Variants in AK2 observed in about 807,000 individuals in gnomAD.
AK2 encodes the protein adenylate kinase 2, mitochondrial.
AK2 carries 15 observed loss-of-function variants against 24.6 expected under a neutral mutation model. The observed-to-expected ratio is 0.61, with a 90% CI of 0.41 to 0.94. AK2 has a LOEUF of 0.94. AK2 is among the 40% of genes least tolerant of loss of function. The pLI is 0.00. For synonymous variants in AK2, 102 were observed against 114.0 expected (o/e 0.90, Z 0.67); for missense variants, 257 against 304.1 (o/e 0.85, Z 1.15).
intron 4 of AK2, among the ~76,000 whole-genome samples, chr1:33,021,086 C>T (rs1186343284): frequency 6.6e-6 from 1 of 151,752 alleles, no homozygotes; most frequent in Non-Finnish European, 1.5e-5. Context: ...GTGGAGGTTG[C>T]AGTGAGCCGA....
rs143807147 is a variant in AK2, at chr1:33,034,876, C to T, written c.93+1860G>A. On this transcript the variant is annotated intron_variant, in intron 1 of 5. Transcript: ENST00000672715. ...CCAGCCTGGGCAACATAGCAAGACC[C>T]TGTCTCTACAAAAAATTGTTTAAAA... 9.4e-3 allele frequency among the ~76,000 whole-genome samples: 1,429 copies of T among 152,102 alleles called. 19 individuals carry two copies. Among genetic ancestry groups the T allele is most frequent in the African/African-American group, 0.033 (1,350 of 41,514 alleles).
intron 2 of AK2, among the ~76,000 whole-genome samples, chr1:33,022,485 A>G (rs1639622790): frequency 6.6e-6 from 1 of 151,274 alleles, no homozygotes; most frequent in African/African-American, 2.4e-5. Flanking sequence ...CCTCCCAAAC[A>G]GCTGGGACTA....
At chr1:33,027,328 A>G (rs1341005419) in intron 1 of AK2, among the ~76,000 whole-genome samples, 2 of 152,352 alleles carry the variant, frequency 1.3e-5, no homozygotes, top group Non-Finnish European at 2.9e-5. Flanking sequence ...ACCACAGAGA[A>G]GAGCTGTTAG....
In AK2 at chr1:33,013,207, A is replaced by G; in HGVS notation, c.694T>C (p.Cys232Arg). The change falls in exon 6 of 6, where the codon TGT becomes CGT. Residue 232 changes from cysteine (C) to arginine (R), a missense_variant. Physicochemically the swap from Cys to Arg is radical, Grantham distance 180. Coordinates refer to ENST00000672715, the MANE Select transcript of AK2 (RefSeq NM_001625.4). Reference sequence around the variant, plus strand: ...TAGATAAACATAACCAAGTCTTTACATGTGGCTTTGGAGAAGGCTGCTAGG... The same window carrying G: ...TAGATAAACATAACCAAGTCTTTACGTGTGGCTTTGGAGAAGGCTGCTAGG... ...SILAAFSKAT[C>R]KDLVMFI 3.1e-6 allele frequency: 5 copies of G among 1,614,118 alleles called. No individual in the cohort carries two copies. Among genetic ancestry groups the G allele is most frequent in the African/African-American group, 1.3e-5 (1 of 75,046 alleles).
rs971340802 is a variant in AK2, at chr1:33,036,651, G to A, written c.93+85C>T. ...AGGCCTTAGTCCCCGGCCCGCTCCG[G>A]GCAGGTCCAGGGCTTCTAGATCTCC... On this transcript the variant is annotated intron_variant, in intron 1 of 5. Transcript: ENST00000672715. The A allele has an allele frequency of 2.3e-6, 3 of 1,305,208 alleles. No individual in the cohort carries two copies. The African/African-American group carries it at 4.4e-5, about 19-fold the overall frequency. The allele number at this position is 1,305,208 out of a possible 1,614,324, so 80.9% of individuals were successfully genotyped here.
At chr1:33,026,132 T>A (rs1639863783) in intron 1 of AK2, among the ~76,000 whole-genome samples, 1 of 152,246 alleles carries the variant, frequency 6.6e-6, no homozygotes, top group Non-Finnish European at 1.5e-5. Flanking sequence ...GTTCAATTGT[T>A]TTATAAACTA....
intron 5 of AK2, among the ~76,000 whole-genome samples, chr1:33,013,622 G>T (rs1638990042): frequency 6.6e-6 from 1 of 152,192 alleles, no homozygotes; most frequent in African/African-American, 2.4e-5. Context: ...GAGTTTGTCA[G>T]AAACACCAAC....
intron 4 of AK2, 36 bp from the exon 5 acceptor site, chr1:33,014,630 T>G: frequency 6.3e-7 from 1 of 1,575,072 alleles, no homozygotes; most frequent in Non-Finnish European, 8.7e-7. Flanking sequence ...TTAGGTTAAC[T>G]GACAGTACGC....
intron 1 of AK2, among the ~76,000 whole-genome samples, chr1:33,036,151 T>C (rs1640566237): frequency 6.6e-6 from 1 of 152,120 alleles, no homozygotes; most frequent in Non-Finnish European, 1.5e-5. Flanking sequence ...AAACCAGTTC[T>C]ACACATTCAC....
chr1:33,012,564 A>G lies in AK2; in HGVS notation c.*617T>C, dbSNP rs745932609. On this transcript the variant is annotated 3_prime_UTR_variant, in exon 6 of 6. Coordinates refer to ENST00000672715, the MANE Select transcript of AK2 (RefSeq NM_001625.4). ...CCTGGAAGATTACCTGGGTTAGTTC[A>G]TTTTGGTCAAAAAATAAAATCAAAA... The G allele has an allele frequency of 3.1e-5, 40 of 1,302,990 alleles. No homozygotes were observed. The highest frequency in any genetic ancestry group is 3.9e-5 in the Non-Finnish European group (39 of 999,888). The allele number at this position is 1,302,990 out of a possible 1,614,324, so 80.7% of individuals were successfully genotyped here. A position where few individuals can be genotyped will look rare whatever the true frequency, so the allele number is the denominator to read the frequency against.
rs936154351 is a variant in AK2 at position 33,017,468 on chromosome 1, C to T, written c.426-2874G>A. On this transcript the variant is annotated intron_variant, in intron 4 of 5. Coordinates refer to ENST00000672715, the MANE Select transcript of AK2 (RefSeq NM_001625.4). The stretch of plus-strand genomic sequence containing the variant: ...TGGGAGGGGCTAGGGGCATGAGATA[C>T]GGACCAGGATATTTTTTTACCTTCT... 1.2e-4 allele frequency among the ~76,000 whole-genome samples: 19 copies of T among 152,164 alleles called. No homozygotes were observed. The East Asian group carries it at 1.5e-3, about 12-fold the overall frequency.
intron 4 of AK2, chr1:33,020,214 C>CACACAA: frequency 1.6e-6 from 2 of 1,251,414 alleles, no homozygotes; most frequent in Non-Finnish European, 2.2e-6. Flanking sequence ...CACACACACA[C>CACACAA]ACACACACAC....
In AK2 at chr1:33,011,091, G is replaced by C; in HGVS notation, c.*2090C>G. 2 of 1,437,636 alleles carry C rather than the reference G, an allele frequency of 1.4e-6. No individual in the cohort carries two copies. Among genetic ancestry groups the C allele is most frequent in the Non-Finnish European group, 1.8e-6 (2 of 1,101,062 alleles). 89.1% of individuals were successfully genotyped at this position (1,437,636 alleles called of 1,614,324 possible). Reference sequence around the variant, plus strand: ...CTTATGGGCAGCCCAAATATTACTTGTACATGTTGTATGCACACGTGAATC... The same window carrying C: ...CTTATGGGCAGCCCAAATATTACTTCTACATGTTGTATGCACACGTGAATC... On this transcript the variant is annotated 3_prime_UTR_variant, in exon 6 of 6. Transcript: ENST00000672715.
Position 33,009,586 on chromosome 1 carries a change from G to A in AK2, c.*3595C>T, listed in dbSNP as rs765827643. The A allele has an allele frequency of 1.5e-5, 7 of 453,970 alleles. No homozygotes were observed. In the East Asian group the frequency reaches 2.8e-4, roughly 18 times the overall value. 28.1% of individuals were successfully genotyped at this position (453,970 alleles called of 1,614,324 possible). A position where few individuals can be genotyped will look rare whatever the true frequency, so the allele number is the denominator to read the frequency against. ...TATAAATTTCATTTAATGCCATTAA[G>A]GCCAAGAAGGTGGCATAACCAACTT... On this transcript the variant is annotated 3_prime_UTR_variant, in exon 6 of 6. Transcript: ENST00000672715.
Position 33,013,186 on chromosome 1 carries a change from T to C in AK2, c.715A>G (p.Ile239Val), listed in dbSNP as rs553945682. 17 of 1,614,110 alleles carry C rather than the reference T, an allele frequency of 1.1e-5. No individual in the cohort carries two copies. The highest frequency in any genetic ancestry group is 9.9e-5 in the South Asian group (9 of 91,086). ...KATCKDLVMF[I>V] is the part of the protein sequence containing the mutation. ...ATTCCTTCTTGGACCCAACATTAGA[T>C]AAACATAACCAAGTCTTTACATGTG... Residue 239 changes from isoleucine to valine, a missense_variant, in exon 6 of 6, where the codon ATC (isoleucine) becomes GTC (valine). Coordinates refer to ENST00000672715, the MANE Select transcript of AK2 (RefSeq NM_001625.4).
rs1638677931 is a variant in AK2, at chr1:33,009,646, T to A, written c.*3535A>T. The A allele has an allele frequency of 2.2e-6, 1 of 454,048 alleles. No individual in the cohort carries two copies. 28.1% of individuals were successfully genotyped at this position (454,048 alleles called of 1,614,324 possible). The stretch of plus-strand genomic sequence containing the variant: ...GCTGAGGAAACAGGAGCACAGTGAA[T>A]AACTAACTGGCTGGGATTTGTCCTA... On this transcript the variant is annotated 3_prime_UTR_variant, in exon 6 of 6. Coordinates refer to ENST00000672715, the MANE Select transcript of AK2 (RefSeq NM_001625.4).
intron 4 of AK2, chr1:33,019,665 G>C (rs566025456): frequency 2.0e-6 from 2 of 1,010,502 alleles, no homozygotes; most frequent in Admixed American, 5.6e-5. Context: ...TCTTCTTGAA[G>C]GTATGGACTA....
At chr1:33,028,601 T>C (rs1640049825) in intron 1 of AK2, among the ~76,000 whole-genome samples, 1 of 152,162 alleles carries the variant, frequency 6.6e-6, no homozygotes, top group Admixed American at 6.5e-5. Context: ...GGCTGGGCTC[T>C]AAACTACACT....
Position 33,013,002 on chromosome 1 carries a change from AAC to A in AK2, c.*177_*178del. ...TGTGCATGCACACACACACACACAC[AAC>A]ACACATACACACAGATGAGAGTAGC... On this transcript the variant is annotated 3_prime_UTR_variant, in exon 6 of 6. Coordinates refer to ENST00000672715, the MANE Select transcript of AK2 (RefSeq NM_001625.4). The A allele has an allele frequency of 6.3e-7, 1 of 1,590,482 alleles. No individual in the cohort carries two copies. Among genetic ancestry groups the A allele is most frequent in the Non-Finnish European group, 8.5e-7 (1 of 1,174,626 alleles).
Sources: allele counts gnomAD v4.1 joint callset (sites outside exome capture counted in the v4.1 genomes callset), GRCh38; gene constraint gnomAD v4.1.1; transcripts MANE v1.5; gene names NCBI Gene and HGNC (gene_info 2026-07-23, HGNC 2026-07-21).